TENM3: variants seen among roughly 807,000 people sequenced by gnomAD.
The protein encoded by TENM3 is teneurin transmembrane protein 3.
A neutral mutation model predicts 255.1 loss-of-function variants in TENM3; 63 were observed. That is an observed-to-expected ratio of 0.25 (90% CI 0.20 to 0.30). The LOEUF (loss-of-function observed/expected upper bound fraction) is 0.30, where lower values mean the gene tolerates loss of function less well. Among genes scored for constraint, TENM3 ranks in the 10% least tolerant of loss-of-function variants. TENM3 has a pLI of 1.00. For synonymous variants in TENM3, 1,306 were observed against 1,322.3 expected, an observed-to-expected ratio of 0.99 and a Z score of 0.27; for missense variants, 2,929 against 3,461.1, an observed-to-expected ratio of 0.85 and a Z score of 3.86.
intron 3 of TENM3, among the ~76,000 whole-genome samples, chr4:182,490,564 A>T (rs898775045): frequency 6.6e-6 from 1 of 152,152 alleles, no homozygotes; most frequent in African/African-American, 2.4e-5. Context: ...AGGGGAAAAA[A>T]TGGTTATAAT....
the TENM3 span, among the ~76,000 whole-genome samples, chr4:181,763,217 A>G: frequency 6.6e-6 from 1 of 152,322 alleles, no homozygotes; most frequent in East Asian, 1.9e-4. Context: ...GAATTGTTGC[A>G]TAAGGTCAAG....
intron 1 of TENM3, among the ~76,000 whole-genome samples, chr4:182,170,588 A>T (rs1456988116): frequency 1.3e-5 from 2 of 149,170 alleles, no homozygotes; most frequent in African/African-American, 2.5e-5. Context: ...CTCTATGATG[A>T]TGTAATAAAA....
the TENM3 span, among the ~76,000 whole-genome samples, chr4:182,020,297 C>T: frequency 6.6e-6 from 1 of 151,852 alleles, no homozygotes; most frequent in East Asian, 2.0e-4. Context: ...ACCCAGGAGG[C>T]GGAGGTTGCA....
the TENM3 span, among the ~76,000 whole-genome samples, chr4:181,623,941 G>A: frequency 6.6e-6 from 1 of 152,182 alleles, no homozygotes; most frequent in South Asian, 2.1e-4. Flanking sequence ...CTGTGATTTG[G>A]TGGTGTTCTT....
chr4:182,232,693 CA>C (rs958353496), intron 1 of TENM3, among the ~76,000 whole-genome samples: 10 of 146,742 alleles, frequency 6.8e-5, no homozygotes, highest in Middle Eastern at 3.5e-3. Context: ...AGAGTCCATC[CA>C]AAAAAAAAAG....
intron 4 of TENM3, among the ~76,000 whole-genome samples, chr4:182,614,156 G>A (rs1749262282): frequency 6.6e-6 from 1 of 152,058 alleles, no homozygotes; most frequent in Non-Finnish European, 1.5e-5. Context: ...TATTTAAAGT[G>A]TTTATTTTTA....
chr4:181,965,186 A>C, the TENM3 span, among the ~76,000 whole-genome samples: 1 of 152,240 alleles, frequency 6.6e-6, no homozygotes. Flanking sequence ...CTGTTGGAAG[A>C]GACAATTAAC....
intron 3 of TENM3, among the ~76,000 whole-genome samples, chr4:182,542,079 G>A (rs1740940632): frequency 1.3e-5 from 2 of 151,948 alleles, no homozygotes; most frequent in African/African-American, 2.4e-5. Flanking sequence ...AGAAAAAGTA[G>A]TGACAGCCAT....
At chr4:181,591,712 C>A in the TENM3 span, among the ~76,000 whole-genome samples, 1 of 152,156 alleles carries the variant, frequency 6.6e-6, no homozygotes, top group African/African-American at 2.4e-5. Context: ...GCAGACTGCA[C>A]ATGCAAGGGA....
At chr4:182,412,545 A>G (rs940390524) in intron 3 of TENM3, among the ~76,000 whole-genome samples, 5 of 152,194 alleles carry the variant, frequency 3.3e-5, no homozygotes, top group Non-Finnish European at 7.3e-5. Context: ...CAGAGTAATA[A>G]GGGAAGTAAT....
chr4:181,580,396 C>G, the TENM3 span, among the ~76,000 whole-genome samples: 2,457 of 152,268 alleles, frequency 0.016, 162 homozygotes, highest in East Asian at 0.15. Context: ...GCCACCCCAA[C>G]CCATTTGTGG....
chr4:182,571,114 C>G (rs1018226620), intron 3 of TENM3, among the ~76,000 whole-genome samples: 1 of 152,222 alleles, frequency 6.6e-6, no homozygotes, highest in African/African-American at 2.4e-5. Context: ...AGTCCTATGG[C>G]AAACACAACA....
At chr4:181,683,883 C>T in the TENM3 span, among the ~76,000 whole-genome samples, 59 of 152,142 alleles carry the variant, frequency 3.9e-4, no homozygotes, top group African/African-American at 1.3e-3. Flanking sequence ...GAGCACACAG[C>T]TTGACTTGGT....
the TENM3 span, among the ~76,000 whole-genome samples, chr4:181,609,818 T>A: frequency 6.6e-6 from 1 of 152,228 alleles, no homozygotes. Flanking sequence ...TTTTAACAAA[T>A]GTATGAGGCG....
chr4:181,564,903 T>C, the TENM3 span, among the ~76,000 whole-genome samples: 10 of 152,190 alleles, frequency 6.6e-5, no homozygotes, highest in Admixed American at 5.9e-4. Flanking sequence ...GTGGGCAGCT[T>C]TGTGGCTTTC....
At chr4:182,422,248 G>A (rs1333160646) in intron 3 of TENM3, among the ~76,000 whole-genome samples, 1 of 151,986 alleles carries the variant, frequency 6.6e-6, no homozygotes, top group Non-Finnish European at 1.5e-5. Flanking sequence ...AGTGTTAGAA[G>A]TTCTAAAGCC....
At position 182,753,652 on chromosome 4, in the gene TENM3, G is replaced by C. The variant is rs760367276; in HGVS notation, c.4017+48G>C. On this transcript the variant is annotated intron_variant, in intron 21 of 27. Coordinates refer to ENST00000511685, the MANE Select transcript of TENM3 (RefSeq NM_001080477.4). ...TGTTTGTTTTTCCTCTAGGTGACTT[G>C]ACTTATTCAGTCGGTAGACTATGAT... is the stretch of plus-strand genomic sequence containing the variant. 3.2e-6 allele frequency: 5 copies of C among 1,575,290 alleles called. No individual in the cohort carries two copies. The Admixed American group carries it at 6.8e-5, about 21-fold the overall frequency.
At chr4:181,463,160 T>C in the TENM3 span, among the ~76,000 whole-genome samples, 1 of 152,146 alleles carries the variant, frequency 6.6e-6, no homozygotes, top group Non-Finnish European at 1.5e-5. Flanking sequence ...CTCCCACCCA[T>C]GGCCCTTTTT....
At position 182,728,968 on chromosome 4, in the gene TENM3, G is replaced by T; in HGVS notation, c.2372G>T (p.Gly791Val). Residue 791 changes from glycine (G) to valine (V), a missense_variant, in exon 14 of 28, where the codon GGA becomes GTA. By Grantham distance (109) the Gly-to-Val change is moderately radical. Transcript: ENST00000511685. ...TGGGGAACATTTCTCTCTACAGATG[G>T]ACTCATTGACTGCATGGATCCCGAT... ...CTDSKDNEGD[G>V]LIDCMDPDCC... is the part of the protein sequence containing the mutation. 1 of 1,613,430 alleles carries T rather than the reference G, an allele frequency of 6.2e-7. No individual in the cohort carries two copies. The highest frequency in any genetic ancestry group is 8.5e-7 in the Non-Finnish European group (1 of 1,179,572).
Sources: gnomAD v4.1 joint callset for allele counts (sites outside exome capture counted in the v4.1 genomes callset) on GRCh38, gnomAD v4.1.1 for gene constraint, MANE v1.5 for transcripts, NCBI Gene and HGNC (gene_info 2026-07-23, HGNC 2026-07-21) for gene names.